Variants in NETO2 observed in about 807,000 individuals in gnomAD.
The protein encoded by NETO2 is neuropilin and tolloid-like protein 2.
A neutral mutation model predicts 62.5 loss-of-function variants in NETO2; 28 were observed. The observed-to-expected ratio is 0.45, with a 90% CI of 0.33 to 0.61. The LOEUF is 0.61. Among genes scored for constraint, NETO2 ranks in the 20% least tolerant of loss-of-function variants. The probability of loss-of-function intolerance (pLI) is 0.02; values close to 1 mark genes in which losing one functional copy is unlikely to be tolerated. For synonymous variants in NETO2, 214 were observed against 219.1 expected (o/e 0.98, Z 0.21); for missense variants, 548 against 643.2 (o/e 0.85, Z 1.60).
At chr16:47,134,887 T>C (rs578179879) in intron 1 of NETO2, among the ~76,000 whole-genome samples, 14 of 152,324 alleles carry the variant, frequency 9.2e-5, no homozygotes, top group African/African-American at 2.9e-4. Flanking sequence ...GAAAATAAAG[T>C]TGCAAGGCCA....
chr16:47,098,135 A>AC (rs1365627957), intron 7 of NETO2, among the ~76,000 whole-genome samples: 2 of 152,056 alleles, frequency 1.3e-5, no homozygotes, highest in African/African-American at 4.8e-5. Context: ...AAGGATCACA[A>AC]CCCCTTGCCA....
chr16:47,121,902 TG>T (rs1964047861), intron 6 of NETO2, among the ~76,000 whole-genome samples: 1 of 152,222 alleles, frequency 6.6e-6, no homozygotes, highest in Non-Finnish European at 1.5e-5. Context: ...AATAATTATT[TG>T]TCATATTTTA....
rs540977902 is a variant in NETO2 at position 47,082,016 on chromosome 16, G to C, written c.*1205C>G. ...AACACTGAAAGGAATCTGTCCTGTAGGTCTTTCATCTTGATTTAATAAAGT... is the reference window on the plus strand; with the variant it reads ...AACACTGAAAGGAATCTGTCCTGTACGTCTTTCATCTTGATTTAATAAAGT... On this transcript the variant is annotated 3_prime_UTR_variant, in exon 9 of 9. Transcript: ENST00000562435. The C allele has an allele frequency of 1.3e-5, 2 of 152,634 alleles. No homozygotes were observed. The highest frequency in any genetic ancestry group is 4.8e-5 in the African/African-American group (2 of 41,526). 9.5% of individuals were successfully genotyped at this position (152,634 alleles called of 1,614,324 possible).
chr16:47,122,872 A>G lies in NETO2; in HGVS notation c.522T>C (p.Ile174=). The G allele has an allele frequency of 1.9e-6, 3 of 1,614,064 alleles. No homozygotes were observed. Among genetic ancestry groups the G allele is most frequent in the Non-Finnish European group, 2.5e-6 (3 of 1,179,942 alleles). The part of the protein sequence containing the change: ...FTYLGGILNP[I]PDCQFELSGA... ...ACAAGTGGTAATATACTAAACCTGG[A>G]ATGGGATTTAAAATACCTCCTAGGT... is the stretch of plus-strand genomic sequence containing the variant. The change falls in exon 5 of 9, where the codon ATT becomes ATC. Residue 174 remains isoleucine, a synonymous_variant. Transcript: ENST00000562435.
intron 6 of NETO2, 59 bp from the exon 7 acceptor site, chr16:47,109,770 A>G (rs1196881603): frequency 1.6e-6 from 2 of 1,283,734 alleles, no homozygotes; most frequent in Non-Finnish European, 1.1e-6. Flanking sequence ...GAATTTTTCT[A>G]TTTCTATTTT....
rs186262175 is a variant in NETO2 at position 47,126,146 on chromosome 16, T to C, written c.481+2179A>G. ...TTCAAGGTTCATCCATGTTGTGGCATGTATTAGAATTTACTCAAATGAATT... is the reference window on the plus strand; with the variant it reads ...TTCAAGGTTCATCCATGTTGTGGCACGTATTAGAATTTACTCAAATGAATT... On this transcript the variant is annotated intron_variant, in intron 4 of 8. Transcript: ENST00000562435. Among the ~76,000 whole-genome samples, 235 of 152,342 alleles carry C rather than the reference T, an allele frequency of 1.5e-3. 3 individuals are homozygous for C. Among genetic ancestry groups the C allele is most frequent in the Middle Eastern group, 3.4e-3 (1 of 294 alleles).
chr16:47,086,774 C>G (rs994788417), intron 7 of NETO2, among the ~76,000 whole-genome samples: 1 of 152,142 alleles, frequency 6.6e-6, no homozygotes, highest in Admixed American at 6.5e-5. Context: ...TATGATCCAG[C>G]AATTTTACTT....
intron 7 of NETO2, among the ~76,000 whole-genome samples, chr16:47,107,620 C>T (rs1963702080): frequency 6.6e-6 from 1 of 152,136 alleles, no homozygotes; most frequent in Admixed American, 6.5e-5. Context: ...AGGGAAAACA[C>T]TAGTTGAGCC....
At chr16:47,137,557 A>C (rs910981566) in intron 1 of NETO2, among the ~76,000 whole-genome samples, 1 of 152,182 alleles carries the variant, frequency 6.6e-6, no homozygotes, top group Non-Finnish European at 1.5e-5. Flanking sequence ...AGGCTCTACT[A>C]TCTATTCTTA....
At position 47,128,546 on chromosome 16, in the gene NETO2, G is replaced by C; in HGVS notation, c.260C>G (p.Thr87Ser). Residue 87 changes from threonine to serine, a missense_variant, in exon 4 of 9, where the codon ACC becomes AGC. Coordinates refer to ENST00000562435, the MANE Select transcript of NETO2 (RefSeq NM_018092.5). ...TTCTATATAATAATGTTCATCAAAGGTCAACTCTATTCTTTGACGTGGAGC... is the reference window on the plus strand; with the variant it reads ...TTCTATATAATAATGTTCATCAAAGCTCAACTCTATTCTTTGACGTGGAGC... The part of the protein sequence containing the change: ...EAAPRQRIEL[T>S]FDEHYYIEPS... 1 of 1,613,098 alleles carries C rather than the reference G, an allele frequency of 6.2e-7. No homozygotes were observed.
At chr16:47,102,823 A>T (rs1596714782) in intron 7 of NETO2, among the ~76,000 whole-genome samples, 1 of 152,186 alleles carries the variant, frequency 6.6e-6, no homozygotes, top group African/African-American at 2.4e-5. Context: ...GATAAACAGG[A>T]GCTCTTTTAT....
At chr16:47,097,778 A>C (rs1963459040) in intron 7 of NETO2, among the ~76,000 whole-genome samples, 1 of 152,230 alleles carries the variant, frequency 6.6e-6, no homozygotes, top group African/African-American at 2.4e-5. Context: ...GGAGAGCTCC[A>C]GCTGGCATCT....
chr16:47,125,448 C>G (rs1050701442), intron 4 of NETO2, among the ~76,000 whole-genome samples: 7 of 151,756 alleles, frequency 4.6e-5, no homozygotes, highest in Non-Finnish European at 1.5e-5. Context: ...CAGGTTCAAG[C>G]GATTCTCCTG....
intron 7 of NETO2, among the ~76,000 whole-genome samples, chr16:47,094,516 C>T (rs1567381554): frequency 6.6e-6 from 1 of 151,018 alleles, no homozygotes. Flanking sequence ...AGCTCCGCCT[C>T]CCGGGTTCAC....
At chr16:47,119,148 T>A (rs1057110949) in intron 6 of NETO2, among the ~76,000 whole-genome samples, 2 of 151,562 alleles carry the variant, frequency 1.3e-5, no homozygotes, top group Non-Finnish European at 2.9e-5. Flanking sequence ...TTATGTTTTT[T>A]TCTTTTTCTT....
intron 7 of NETO2, among the ~76,000 whole-genome samples, chr16:47,104,308 G>A (rs2143874502): frequency 6.6e-6 from 1 of 152,218 alleles, no homozygotes; most frequent in African/African-American, 2.4e-5. Context: ...TAAAATATTA[G>A]GAATAAATTT....
At chr16:47,108,559 T>C (rs1306278456) in intron 7 of NETO2, among the ~76,000 whole-genome samples, 1 of 152,166 alleles carries the variant, frequency 6.6e-6, no homozygotes, top group Non-Finnish European at 1.5e-5. Context: ...CTAAGAAACA[T>C]TAGACAAACC....
intron 7 of NETO2, among the ~76,000 whole-genome samples, chr16:47,096,445 A>T (rs1963429130): frequency 6.6e-6 from 1 of 152,210 alleles, no homozygotes; most frequent in Non-Finnish European, 1.5e-5. Context: ...TATTAAAATC[A>T]GAAATGCAAC....
intron 7 of NETO2, among the ~76,000 whole-genome samples, chr16:47,094,262 G>C (rs1466830340): frequency 2.8e-5 from 2 of 71,698 alleles, no homozygotes; most frequent in African/African-American, 1.1e-4. Context: ...ATATCACTTG[G>C]ATTTTTTTTT....
Sources: allele counts gnomAD v4.1 joint callset (sites outside exome capture counted in the v4.1 genomes callset), GRCh38; gene constraint gnomAD v4.1.1; transcripts MANE v1.5; gene names NCBI Gene and HGNC (gene_info 2026-07-23, HGNC 2026-07-21).